Variants in TIAL1 observed in about 807,000 individuals in gnomAD.
TIAL1 encodes the protein nucleolysin TIAR.
A neutral mutation model predicts 59.7 loss-of-function variants in TIAL1; 7 were observed. The ratio of observed to expected loss-of-function variants is 0.12; its 90% CI spans 0.07 to 0.22. TIAL1 has a LOEUF of 0.22. Ranked by LOEUF, TIAL1 falls within the 10% of genes least tolerant of loss-of-function variation. The pLI is 1.00. For missense variants in TIAL1, 225 were observed against 462.5 expected (o/e 0.49, Z 4.71); for synonymous variants, 149 against 146.3 (o/e 1.02, Z -0.13).
intron 5 of TIAL1, chr10:119,580,879 T>C: frequency 8.3e-7 from 1 of 1,200,706 alleles, no homozygotes; most frequent in Non-Finnish European, 1.1e-6. Flanking sequence ...TTACTTTTAA[T>C]TGTGACTTGG....
intron 5 of TIAL1, chr10:119,580,713 T>C: frequency 1.0e-6 from 1 of 997,958 alleles, no homozygotes; most frequent in Non-Finnish European, 1.2e-6. Flanking sequence ...AAAATGTAAA[T>C]ACTAAAATAT....
At chr10:119,583,819 T>A (rs1358518053) in intron 2 of TIAL1, among the ~76,000 whole-genome samples, 1 of 152,194 alleles carries the variant, frequency 6.6e-6, no homozygotes, top group African/African-American at 2.4e-5. Flanking sequence ...CCTACTGTTG[T>A]AGCCACGTGA....
intron 2 of TIAL1, 131 bp downstream of exon 2, chr10:119,588,021 A>T: frequency 2.0e-6 from 1 of 507,818 alleles, no homozygotes; most frequent in Admixed American, 4.2e-5. Flanking sequence ...TTGTCAGCCA[A>T]ATCAAAGTAA....
At chr10:119,585,698 TAGTG>T (rs1189531676) in intron 2 of TIAL1, among the ~76,000 whole-genome samples, 3 of 152,310 alleles carry the variant, frequency 2.0e-5, no homozygotes, top group African/African-American at 7.2e-5. Flanking sequence ...AAAAATTTTC[TAGTG>T]AGTCTTTCCC....
Position 119,574,785 on chromosome 10 carries a change from G to C in TIAL1, c.*880C>G, listed in dbSNP as rs372483277. On this transcript the variant is annotated 3_prime_UTR_variant, in exon 12 of 12. Coordinates refer to ENST00000436547, the MANE Select transcript of TIAL1 (RefSeq NM_003252.4). ...ATCAATCCACTGCATTCAATGCAGC[G>C]GAGTGTGTTAAGTGTTACTTCAAAT... The C allele has an allele frequency of 1.3e-5, 2 of 152,578 alleles. No homozygotes were observed. The highest frequency in any genetic ancestry group is 2.4e-5 in the African/African-American group (1 of 41,520). 9.5% of individuals were successfully genotyped at this position (152,578 alleles called of 1,614,324 possible). A position where few individuals can be genotyped will look rare whatever the true frequency, so the allele number is the denominator to read the frequency against.
At chr10:119,591,071 ATATC>A (rs1428927657) in intron 1 of TIAL1, among the ~76,000 whole-genome samples, 1 of 152,136 alleles carries the variant, frequency 6.6e-6, no homozygotes, top group East Asian at 1.9e-4. Context: ...GTTACCTTCT[ATATC>A]TAATAGTCAC....
rs1486096797 is a variant in TIAL1 at position 119,574,509 on chromosome 10, AC to A, written c.*1155del. The A allele has an allele frequency of 1.3e-5, 2 of 150,046 alleles. No homozygotes were observed. The highest frequency in any genetic ancestry group is 4.0e-4 in the East Asian group (2 of 5,024). The allele number at this position is 150,046 out of a possible 1,614,324, so 9.3% of individuals were successfully genotyped here. On this transcript the variant is annotated 3_prime_UTR_variant, in exon 12 of 12. Coordinates refer to ENST00000436547, the MANE Select transcript of TIAL1 (RefSeq NM_003252.4). ...CCCAAGATTTTTAAAAAACACTTGT[AC>A]TATACAACTTATAGTAACCTTGAAA...
chr10:119,592,344 G>T (rs1273475889), intron 1 of TIAL1: 2 of 152,164 alleles, frequency 1.3e-5, no homozygotes, highest in African/African-American at 2.4e-5. Context: ...TAATATCAGG[G>T]TTAAAATCCA....
At chr10:119,579,107 C>A (rs1426166718) in intron 6 of TIAL1, among the ~76,000 whole-genome samples, 1 of 152,148 alleles carries the variant, frequency 6.6e-6, no homozygotes, top group African/African-American at 2.4e-5. Flanking sequence ...GAGGCCAAGG[C>A]AGGAGGATCA....
intron 1 of TIAL1, among the ~76,000 whole-genome samples, chr10:119,589,704 T>C (rs895903944): frequency 6.6e-5 from 10 of 152,122 alleles, no homozygotes; most frequent in Admixed American, 3.3e-4. Flanking sequence ...AAGAAAAAAA[T>C]GCTACTTCAT....
At chr10:119,581,661 A>G (rs1564736611) in intron 5 of TIAL1, 1 of 301,838 alleles carries the variant, frequency 3.3e-6, no homozygotes, top group East Asian at 5.8e-5. Context: ...ATCTGCTTCA[A>G]AGATAACAAA....
intron 2 of TIAL1, among the ~76,000 whole-genome samples, chr10:119,586,067 T>C (rs1223372258): frequency 6.6e-6 from 1 of 152,206 alleles, no homozygotes; most frequent in Non-Finnish European, 1.5e-5. Flanking sequence ...CATGGCTTCA[T>C]GGATTCAAAT....
chr10:119,596,509 GTT>G lies in TIAL1; in HGVS notation c.-46_-45del. 1.1e-6 allele frequency: 1 copy of G among 881,804 alleles called. No homozygotes were observed. Among genetic ancestry groups the G allele is most frequent in the Non-Finnish European group, 1.8e-6 (1 of 566,936 alleles). The allele number at this position is 881,804 out of a possible 1,614,324, so 54.6% of individuals were successfully genotyped here. The stretch of plus-strand genomic sequence containing the variant: ...ATCCCGGGACAAGGGGGAGGGCAGG[GTT>G]GGGGAGGGGAGGGGGTGGGGAGGAA... On this transcript the variant is annotated 5_prime_UTR_variant, in exon 1 of 12. Coordinates refer to ENST00000436547, the MANE Select transcript of TIAL1 (RefSeq NM_003252.4).
intron 6 of TIAL1, among the ~76,000 whole-genome samples, chr10:119,579,274 G>A (rs1435946512): frequency 2.0e-5 from 3 of 152,100 alleles, no homozygotes; most frequent in Non-Finnish European, 2.9e-5. Context: ...GGAGGTGGAG[G>A]TTGCAGTGGG....
intron 2 of TIAL1, among the ~76,000 whole-genome samples, chr10:119,587,840 T>C (rs996974195): frequency 6.6e-6 from 1 of 152,368 alleles, no homozygotes. Flanking sequence ...GTTAACATTC[T>C]TATTGGAATT....
chr10:119,591,884 A>T (rs1353420519), intron 1 of TIAL1: 1 of 152,212 alleles, frequency 6.6e-6, no homozygotes, highest in African/African-American at 2.4e-5. Context: ...ATACTGTACT[A>T]TTCTATTTTA....
chr10:119,576,104 T>C lies in TIAL1; in HGVS notation c.1002-313A>G, dbSNP rs537400219. Among the ~76,000 whole-genome samples, 5 of 151,672 alleles carry C rather than the reference T, an allele frequency of 3.3e-5. No individual in the cohort carries two copies. In the South Asian group the frequency reaches 8.3e-4, roughly 25 times the overall value. On this transcript the variant is annotated intron_variant, in intron 11 of 11. Coordinates refer to ENST00000436547, the MANE Select transcript of TIAL1 (RefSeq NM_003252.4). ...ATAAGAAATTTTAAAAACAAGTTCA[T>C]GTTGGAAACAGTCTCAAAGGAAGAA...
Position 119,585,451 on chromosome 10 carries a change from TAA to T in TIAL1, c.129+2699_129+2700del, listed in dbSNP as rs11338069. On this transcript the variant is annotated intron_variant, in intron 2 of 11. Transcript: ENST00000436547. Reference sequence around the variant, plus strand: ...GAGGACAGAGTCAGACCCTGTCTCTTAAAAAAAAAAAAAAAAAATCCGTTATG... The same window carrying T: ...GAGGACAGAGTCAGACCCTGTCTCTTAAAAAAAAAAAAAAAATCCGTTATG... Among the ~76,000 whole-genome samples the T allele has an allele frequency of 7.8e-4, 108 of 138,320 alleles. 1 individual carries two copies. Among genetic ancestry groups the T allele is most frequent in the African/African-American group, 1.1e-3 (40 of 37,698 alleles). The allele number at this position is 138,320 out of a possible 152,430, so 90.7% of individuals were successfully genotyped here.
chr10:119,588,267 C>T lies in TIAL1; in HGVS notation c.33-19G>A, dbSNP rs752105197. ...TACGTATCTGCACAAGAAAAAAATA[C>T]GTTATCAGCAATTTTTCCTTTAGCT... On this transcript the variant is annotated intron_variant, in intron 1 of 11. Transcript: ENST00000436547. 11 of 1,490,482 alleles carry T rather than the reference C, an allele frequency of 7.4e-6. No individual in the cohort carries two copies. Among genetic ancestry groups the T allele is most frequent in the East Asian group, 2.3e-5 (1 of 42,822 alleles). The allele number at this position is 1,490,482 out of a possible 1,614,324, so 92.3% of individuals were successfully genotyped here.
Sources: gnomAD v4.1 joint callset for allele counts (sites outside exome capture counted in the v4.1 genomes callset) on GRCh38, gnomAD v4.1.1 for gene constraint, MANE v1.5 for transcripts, NCBI Gene and HGNC (gene_info 2026-07-23, HGNC 2026-07-21) for gene names.